The following KCNK1 variants were observed in gnomAD, a reference collection of about 807,000 sequenced individuals.
KCNK1 encodes potassium two pore domain channel subfamily K member 1, also known as potassium channel subfamily K member 1.
A neutral mutation model predicts 22.2 loss-of-function variants in KCNK1; 10 were observed. The observed-to-expected ratio is 0.45, with a 90% confidence interval of 0.28 to 0.76. The LOEUF (loss-of-function observed/expected upper bound fraction) is 0.76, where lower values mean the gene tolerates loss of function less well. Among genes scored for constraint, KCNK1 ranks in the 30% least tolerant of loss-of-function variants. The pLI is 0.14. For synonymous variants in KCNK1, 200 were observed against 186.4 expected (o/e 1.07, Z -0.60); for missense variants, 378 against 421.0 (o/e 0.90, Z 0.89).
At chr1:233,648,102 A>C (rs1206279905) in intron 1 of KCNK1, among the ~76,000 whole-genome samples, 1 of 152,208 alleles carries the variant, frequency 6.6e-6, no homozygotes, top group Non-Finnish European at 1.5e-5. Context: ...ATCACATTTG[A>C]CTATACTTTA....
At chr1:233,657,371 A>C (rs976090082) in intron 1 of KCNK1, among the ~76,000 whole-genome samples, 4 of 152,164 alleles carry the variant, frequency 2.6e-5, no homozygotes, top group African/African-American at 9.7e-5. Context: ...GATATGTGGT[A>C]AAAGCTGGAT....
At chr1:233,652,372 T>C (rs1658216180) in intron 1 of KCNK1, among the ~76,000 whole-genome samples, 1 of 152,168 alleles carries the variant, frequency 6.6e-6, no homozygotes, top group African/African-American at 2.4e-5. Flanking sequence ...CCAGACATAA[T>C]AGATTGATAA....
chr1:233,657,784 T>G (rs1445985117), intron 1 of KCNK1, among the ~76,000 whole-genome samples: 2 of 151,944 alleles, frequency 1.3e-5, no homozygotes, highest in South Asian at 4.2e-4. Flanking sequence ...AATATCTTAC[T>G]GCAAATTTTA....
At chr1:233,633,951 A>G (rs918559975) in intron 1 of KCNK1, among the ~76,000 whole-genome samples, 16 of 152,108 alleles carry the variant, frequency 1.1e-4, no homozygotes, top group Admixed American at 1.0e-3. Context: ...TTGTGAAGAC[A>G]TGTGCTTGGC....
chr1:233,652,375 A>G (rs1171954523), intron 1 of KCNK1, among the ~76,000 whole-genome samples: 2 of 152,074 alleles, frequency 1.3e-5, no homozygotes, highest in African/African-American at 4.8e-5. Flanking sequence ...GACATAATAG[A>G]TTGATAAACC....
chr1:233,671,684 A>C lies in KCNK1; in HGVS notation c.*154A>C. On this transcript the variant is annotated 3_prime_UTR_variant, in exon 3 of 3. Transcript: ENST00000366621. ...ATGTCTTATTAAAAAACAACAAAAA[A>C]AGACAAATGGAACAAAGAAGCTGTG... is the stretch of plus-strand genomic sequence containing the variant. 1.2e-6 allele frequency: 1 copy of C among 846,108 alleles called. No homozygotes were observed. The highest frequency in any genetic ancestry group is 1.8e-6 in the Non-Finnish European group (1 of 558,234). The allele number at this position is 846,108 out of a possible 1,614,324, so 52.4% of individuals were successfully genotyped here. A position where few individuals can be genotyped will look rare whatever the true frequency, so the allele number is the denominator to read the frequency against.
intron 1 of KCNK1, among the ~76,000 whole-genome samples, chr1:233,654,833 A>T (rs892783558): frequency 2.6e-5 from 4 of 152,242 alleles, no homozygotes; most frequent in Admixed American, 6.5e-5. Flanking sequence ...TAAGGAGATT[A>T]GTCAACCAAG....
intron 1 of KCNK1, among the ~76,000 whole-genome samples, chr1:233,644,958 G>C (rs1658066075): frequency 6.6e-6 from 1 of 152,158 alleles, no homozygotes; most frequent in Non-Finnish European, 1.5e-5. Context: ...ACTTTGGGAG[G>C]CCAAGGCGGG....
chr1:233,638,380 T>G (rs563896598), intron 1 of KCNK1, among the ~76,000 whole-genome samples: 8 of 151,888 alleles, frequency 5.3e-5, no homozygotes, highest in Middle Eastern at 3.4e-3. Flanking sequence ...GCTCTTTTCC[T>G]TGTTTCTCTT....
intron 1 of KCNK1, among the ~76,000 whole-genome samples, chr1:233,625,197 A>T (rs1657666389): frequency 6.6e-6 from 1 of 152,158 alleles, no homozygotes; most frequent in Non-Finnish European, 1.5e-5. Context: ...GAATGATCTA[A>T]ATCTTATAAG....
chr1:233,663,782 T>G (rs1029524561), intron 1 of KCNK1, among the ~76,000 whole-genome samples: 1 of 151,998 alleles, frequency 6.6e-6, no homozygotes, highest in Non-Finnish European at 1.5e-5. Flanking sequence ...TCCTAACACT[T>G]TCAGTCACAA....
At chr1:233,670,805 G>T (rs1390591155) in intron 2 of KCNK1, among the ~76,000 whole-genome samples, 4 of 152,166 alleles carry the variant, frequency 2.6e-5, no homozygotes, top group Admixed American at 6.5e-5. Flanking sequence ...TTCTATAATA[G>T]AAATTGTAAG....
At chr1:233,655,927 G>A (rs1440549071) in intron 1 of KCNK1, 1 of 151,936 alleles carries the variant, frequency 6.6e-6, no homozygotes, top group East Asian at 1.9e-4. Context: ...CGGCTCCAAT[G>A]CCAAGGGCAT....
At chr1:233,656,407 A>G (rs982333006) in intron 1 of KCNK1, among the ~76,000 whole-genome samples, 4 of 152,214 alleles carry the variant, frequency 2.6e-5, no homozygotes, top group African/African-American at 9.6e-5. Flanking sequence ...AGGTCGTCTC[A>G]GTAGTCGTTA....
chr1:233,655,018 G>A (rs972093412), intron 1 of KCNK1, among the ~76,000 whole-genome samples: 1 of 152,152 alleles, frequency 6.6e-6, no homozygotes, highest in Admixed American at 6.5e-5. Context: ...GACCTGTAGA[G>A]TCATAGACAC....
intron 1 of KCNK1, chr1:233,655,728 C>T (rs1658280115): frequency 6.5e-6 from 1 of 152,912 alleles, no homozygotes; most frequent in Non-Finnish European, 1.5e-5. Flanking sequence ...AGTGAGAAGT[C>T]TATGAGGAAG....
chr1:233,657,578 A>G (rs931493521), intron 1 of KCNK1, among the ~76,000 whole-genome samples: 2 of 152,044 alleles, frequency 1.3e-5, no homozygotes, highest in Non-Finnish European at 2.9e-5. Context: ...CTGTGTAATT[A>G]TGATGATTAG....
chr1:233,619,639 C>T (rs370894416), intron 1 of KCNK1, among the ~76,000 whole-genome samples: 67 of 151,998 alleles, frequency 4.4e-4, no homozygotes, highest in African/African-American at 1.4e-3. Flanking sequence ...GGGCCAGACA[C>T]GGTGGCTTAT....
chr1:233,619,342 C>A (rs1657538363), intron 1 of KCNK1, among the ~76,000 whole-genome samples: 1 of 152,048 alleles, frequency 6.6e-6, no homozygotes, highest in Non-Finnish European at 1.5e-5. Flanking sequence ...CCATTGGTAA[C>A]CCTGGTGCCT....
Sources: allele counts gnomAD v4.1 joint callset (sites outside exome capture counted in the v4.1 genomes callset), GRCh38; gene constraint gnomAD v4.1.1; transcripts MANE v1.5; gene names NCBI Gene and HGNC (gene_info 2026-07-23, HGNC 2026-07-21).